The following SDC1 variants were observed in gnomAD, a reference collection of about 807,000 sequenced individuals.
SDC1 encodes syndecan-1.
A neutral mutation model predicts 29.7 loss-of-function variants in SDC1; 14 were observed. The ratio of observed to expected loss-of-function variants is 0.47; its 90% CI spans 0.31 to 0.74. The LOEUF (loss-of-function observed/expected upper bound fraction) is 0.74. Among genes scored for constraint, SDC1 ranks in the 30% least tolerant of loss-of-function variants. The pLI, the probability that SDC1 is intolerant of heterozygous loss-of-function variation, is 0.05. For synonymous variants in SDC1, 204 were observed against 175.5 expected, an observed-to-expected ratio of 1.16 and a Z score of -1.29; for missense variants, 406 against 400.3, an observed-to-expected ratio of 1.01 and a Z score of -0.12.
intron 1 of SDC1, among the ~76,000 whole-genome samples, chr2:20,208,516 G>A (rs1273284497): frequency 2.0e-5 from 3 of 152,332 alleles, no homozygotes; most frequent in Non-Finnish European, 4.4e-5. Flanking sequence ...CAGATGAGAA[G>A]GTGAGATTTC....
At position 20,202,690 on chromosome 2, in the gene SDC1, G is replaced by T; in HGVS notation, c.*76C>A. ...GTGGCCTGGTGGCAGGGGAGGCCAG[G>T]GCCTGCAGTTCTTCAAGGAAGAGGC... On this transcript the variant is annotated 3_prime_UTR_variant, in exon 5 of 5. Transcript: ENST00000254351. 1 of 1,421,774 alleles carries T rather than the reference G, an allele frequency of 7.0e-7. No homozygotes were observed. Among genetic ancestry groups the T allele is most frequent in the Non-Finnish European group, 9.6e-7 (1 of 1,043,548 alleles). 88.1% of individuals were successfully genotyped at this position (1,421,774 alleles called of 1,614,324 possible).
In SDC1 at chr2:20,204,134, T is replaced by A; in HGVS notation, c.306A>T (p.Gly102=). 2 of 1,604,022 alleles carry A rather than the reference T, an allele frequency of 1.2e-6. No individual in the cohort carries two copies. The highest frequency in any genetic ancestry group is 1.7e-6 in the Non-Finnish European group (2 of 1,179,778). Residue 102 remains glycine (G), a synonymous_variant, in exon 3 of 5, where the codon GGA becomes GGT. Transcript: ENST00000254351. ...TLPAGEGPKE[G]EAVVLPEVEP... ...CCACTTCTGGCAGGACTACAGCCTCTCCCTCCTTGGGCCCCTCTCCAGCCG... is the reference window on the plus strand; with the variant it reads ...CCACTTCTGGCAGGACTACAGCCTCACCCTCCTTGGGCCCCTCTCCAGCCG...
At position 20,201,481 on chromosome 2, in the gene SDC1, T is replaced by C. The variant is rs1311240640; in HGVS notation, c.*1285A>G. 1.3e-5 allele frequency: 2 copies of C among 152,600 alleles called. No individual in the cohort carries two copies. The highest frequency in any genetic ancestry group is 2.1e-4 in the South Asian group (1 of 4,836). 9.5% of individuals were successfully genotyped at this position (152,600 alleles called of 1,614,324 possible). ...GCACAGAGGCAAGAAGCGAAGGCAG[T>C]GGCATTCACAGGACTACTTTATATT... On this transcript the variant is annotated 3_prime_UTR_variant, in exon 5 of 5. Transcript: ENST00000254351.
Position 20,204,070 on chromosome 2 carries a change from G to T in SDC1, c.370C>A (p.Arg124=), listed in dbSNP as rs375790781. The T allele has an allele frequency of 4.4e-6, 7 of 1,596,654 alleles. No individual in the cohort carries two copies. The South Asian group carries it at 6.6e-5, about 15-fold the overall frequency. The change falls in exon 3 of 5, where the codon CGA becomes AGA. Residue 124 remains arginine, a synonymous_variant. Coordinates refer to ENST00000254351, the MANE Select transcript of SDC1 (RefSeq NM_002997.5). ...LTAREQEATP[R]PRETTQLPTT... ...GGGAGCTGTGTGGTCTCCCTGGGTCGGGGGGTGGCCTCCTGCTCCCGGGCG... is the reference window on the plus strand; with the variant it reads ...GGGAGCTGTGTGGTCTCCCTGGGTCTGGGGGTGGCCTCCTGCTCCCGGGCG...
intron 4 of SDC1, 64 bp downstream of exon 4, chr2:20,203,023 T>G: frequency 1.3e-6 from 2 of 1,565,380 alleles, no homozygotes; most frequent in Non-Finnish European, 1.7e-6. Flanking sequence ...TTGGCTGTGG[T>G]CAGCCCCACC....
chr2:20,202,586 A>C lies in SDC1; in HGVS notation c.*180T>G. The C allele has an allele frequency of 1.5e-6, 1 of 658,596 alleles. No individual in the cohort carries two copies. Among genetic ancestry groups the C allele is most frequent in the Non-Finnish European group, 2.7e-6 (1 of 376,432 alleles). 40.8% of individuals were successfully genotyped at this position (658,596 alleles called of 1,614,324 possible). ...TGCCCTAAGTCTCCAGGCAGAAGTC[A>C]GAGAAGCAGAGTGGAGCTCCCAGCA... On this transcript the variant is annotated 3_prime_UTR_variant, in exon 5 of 5. Coordinates refer to ENST00000254351, the MANE Select transcript of SDC1 (RefSeq NM_002997.5).
In SDC1 at chr2:20,224,595, C is replaced by T. The variant is rs1486896452; in HGVS notation, c.66+207G>A. Among the ~76,000 whole-genome samples the T allele has an allele frequency of 6.6e-6, 1 of 151,682 alleles. No homozygotes were observed. Among genetic ancestry groups the T allele is most frequent in the Non-Finnish European group, 1.5e-5 (1 of 67,852 alleles). On this transcript the variant is annotated intron_variant, in intron 1 of 4. Coordinates refer to ENST00000254351, the MANE Select transcript of SDC1 (RefSeq NM_002997.5). This position sits in a 1 kb window ranked among gnomAD's most constrained non-coding sequence, Gnocchi z 4.9. ...CCCCGGCCCCCCACCCTCCCCAGCG[C>T]GGGACCGGTGCGGCACCCACCGACA...
intron 1 of SDC1, among the ~76,000 whole-genome samples, chr2:20,219,766 G>A (rs948350635): frequency 3.9e-5 from 6 of 152,176 alleles, no homozygotes; most frequent in African/African-American, 1.4e-4. Context: ...GTGAAAAGAA[G>A]GCAATCGGGC....
chr2:20,224,810 C>A lies in SDC1; in HGVS notation c.58G>T (p.Ala20Ser). ...CCGCCGGCCGCACTCACCGGCAGGG[C>A]CGGCTGCAGGCTCAGCGCCAGCGCG... Reference protein sequence around the residue: ...LCALALSLQPALPQIVATNLP... With the variant: ...LCALALSLQPSLPQIVATNLP... The change falls in exon 1 of 5, where the codon GCC becomes TCC. Residue 20 changes from alanine to serine, a missense_variant. Physicochemically the swap from Ala to Ser is moderately conservative, Grantham distance 99. Transcript: ENST00000254351. The surrounding 1 kb of genome is among the most constrained non-coding windows in gnomAD (Gnocchi z 4.9). 1 of 1,302,386 alleles carries A rather than the reference C, an allele frequency of 7.7e-7. No individual in the cohort carries two copies. The highest frequency in any genetic ancestry group is 2.2e-5 in the South Asian group (1 of 44,954). The allele number at this position is 1,302,386 out of a possible 1,614,324, so 80.7% of individuals were successfully genotyped here. A position where few individuals can be genotyped will look rare whatever the true frequency, so the allele number is the denominator to read the frequency against.
At chr2:20,219,045 C>A (rs572472876) in intron 1 of SDC1, among the ~76,000 whole-genome samples, 67 of 152,340 alleles carry the variant, frequency 4.4e-4, no homozygotes, top group Non-Finnish European at 6.8e-4. Flanking sequence ...CCGAGCGCAG[C>A]AGGAGAGGTC....
chr2:20,219,640 G>A (rs1677750604), intron 1 of SDC1, among the ~76,000 whole-genome samples: 1 of 152,356 alleles, frequency 6.6e-6, no homozygotes, highest in Non-Finnish European at 1.5e-5. Context: ...TGCTGGAACA[G>A]CTGAGAGAGA....
At chr2:20,221,702 AAAACTGC>A (rs1401128387) in intron 1 of SDC1, among the ~76,000 whole-genome samples, 4 of 152,232 alleles carry the variant, frequency 2.6e-5, no homozygotes, top group African/African-American at 9.6e-5. Flanking sequence ...ATTCCTCTAA[AAAACTGC>A]AGAAGTCAAG....
Position 20,205,323 on chromosome 2 carries a change from G to C in SDC1, c.148+20C>G, listed in dbSNP as rs371251544. 2.0e-5 allele frequency: 32 copies of C among 1,605,280 alleles called. No homozygotes were observed. The African/African-American group carries it at 4.0e-4, about 20-fold the overall frequency. On this transcript the variant is annotated intron_variant, in intron 2 of 4. Coordinates refer to ENST00000254351, the MANE Select transcript of SDC1 (RefSeq NM_002997.5). The stretch of plus-strand genomic sequence containing the variant: ...ACCTGTTGCCGTCTTGGGTGGGGGG[G>C]GCCCCCATGACAACCTCACCTGCAC...
upstream of SDC1, chr2:20,225,180 A>T: frequency 6.3e-6 from 1 of 159,398 alleles, no homozygotes; most frequent in African/African-American, 3.1e-5. Context: ...CCCAGTCCAC[A>T]CCCCCCAGGA....
intron 1 of SDC1, among the ~76,000 whole-genome samples, chr2:20,218,473 A>C (rs1677701883): frequency 6.6e-6 from 1 of 152,202 alleles, no homozygotes; most frequent in East Asian, 1.9e-4. Flanking sequence ...GTGCCCAGGC[A>C]AGGCCCAAAT....
chr2:20,204,358 TGGGTGGGTCG>T, intron 2 of SDC1, 67 bp from the exon 3 acceptor site: 2 of 554,854 alleles, frequency 3.6e-6, no homozygotes, highest in Non-Finnish European at 5.7e-6. Flanking sequence ...CAGAGTGTGT[TGGGTGGGTCG>T]GGGGAGGCTC....
chr2:20,222,914 C>A (rs988962159), intron 1 of SDC1, among the ~76,000 whole-genome samples: 2 of 152,156 alleles, frequency 1.3e-5, no homozygotes, highest in Non-Finnish European at 2.9e-5. Context: ...CCATCATGTG[C>A]GAGAATGGGG....
At chr2:20,221,572 C>A (rs1022020693) in intron 1 of SDC1, among the ~76,000 whole-genome samples, 5 of 152,138 alleles carry the variant, frequency 3.3e-5, no homozygotes, top group African/African-American at 1.2e-4. Context: ...GAGAGTCATG[C>A]CCAGAGTAAG....
intron 1 of SDC1, chr2:20,208,139 G>A: frequency 1.0e-6 from 1 of 985,216 alleles, no homozygotes; most frequent in East Asian, 1.1e-4. Context: ...GGCAACCGAA[G>A]CCCACAGGGA....
Sources: gnomAD v4.1 joint callset for allele counts (sites outside exome capture counted in the v4.1 genomes callset) on GRCh38, gnomAD v4.1.1 for gene constraint, Gnocchi (gnomAD v3.1) non-coding constraint, MANE v1.5 for transcripts, NCBI Gene and HGNC (gene_info 2026-07-23, HGNC 2026-07-21) for gene names.